The following DPH6 variants were observed in gnomAD, a reference collection of about 807,000 sequenced individuals.
DPH6 encodes diphthine--ammonia ligase.
DPH6 carries 33 observed loss-of-function variants against 38.2 expected under a neutral mutation model. The ratio of observed to expected loss-of-function variants is 0.86; its 90% CI spans 0.65 to 1.15. DPH6 has a LOEUF of 1.15. Among genes scored for constraint, DPH6 ranks in the 50% most tolerant of loss-of-function variants. The pLI is 0.00. For synonymous variants in DPH6, 108 were observed against 103.0 expected (o/e 1.05, Z -0.30); for missense variants, 325 against 320.0 (o/e 1.02, Z -0.12).
chr15:35,416,361 CAT>C (rs1035100010), intron 5 of DPH6, among the ~76,000 whole-genome samples: 1 of 152,098 alleles, frequency 6.6e-6, no homozygotes, highest in South Asian at 2.1e-4. Flanking sequence ...AATTTTAAAA[CAT>C]ATTTTTCAGA....
At chr15:35,490,748 T>C (rs764017688) in intron 3 of DPH6, among the ~76,000 whole-genome samples, 13 of 152,172 alleles carry the variant, frequency 8.5e-5, no homozygotes, top group Non-Finnish European at 1.5e-4. Context: ...GAAAGCCACA[T>C]TGCTTAAACA....
At chr15:35,338,866 G>C (rs1231326724) in intron 3 of DPH6, among the ~76,000 whole-genome samples, 1 of 152,184 alleles carries the variant, frequency 6.6e-6, no homozygotes, top group Non-Finnish European at 1.5e-5. Flanking sequence ...AAAATGATGA[G>C]TTCATGTCCT....
At position 35,514,284 on chromosome 15, in the gene DPH6, C is replaced by T. The variant is rs999008083; in HGVS notation, c.312+23990G>A. ...AGTAACAGTTTGAGAAGATGTATTACGCAAAATAGCATAAAGGAGCCATTT... is the reference window on the plus strand; with the variant it reads ...AGTAACAGTTTGAGAAGATGTATTATGCAAAATAGCATAAAGGAGCCATTT... On this transcript the variant is annotated intron_variant, in intron 3 of 8. Coordinates refer to ENST00000256538, the MANE Select transcript of DPH6 (RefSeq NM_080650.4). Among the ~76,000 whole-genome samples, 9 of 151,994 alleles carry T rather than the reference C, an allele frequency of 5.9e-5. No homozygotes were observed. In the South Asian group the frequency reaches 1.0e-3, roughly 18 times the overall value.
intron 3 of DPH6, among the ~76,000 whole-genome samples, chr15:35,285,872 G>GTTTTTTTTTTTTTTGTTTTTTTTT (rs2051939163): frequency 1.9e-5 from 1 of 52,792 alleles, no homozygotes; most frequent in Non-Finnish European, 3.3e-5. Flanking sequence ...TTATCTTTGA[G>GTTTTTTTTTTTTTTGTTTTTTTTT]TTTTTTTTTT....
the DPH6 span, among the ~76,000 whole-genome samples, chr15:35,200,275 A>G: frequency 6.6e-6 from 1 of 152,052 alleles, no homozygotes; most frequent in Non-Finnish European, 1.5e-5. Flanking sequence ...GCAAAATGGA[A>G]TTCTGGCAAA....
At chr15:35,222,541 G>T (rs979386294) in intron 3 of DPH6, among the ~76,000 whole-genome samples, 3 of 152,136 alleles carry the variant, frequency 2.0e-5, no homozygotes, top group African/African-American at 7.2e-5. Context: ...ACTTGAAGGG[G>T]GGGGTTTCAG....
At chr15:35,392,448 A>G (rs1169691632) in intron 6 of DPH6, among the ~76,000 whole-genome samples, 1 of 151,576 alleles carries the variant, frequency 6.6e-6, no homozygotes, top group African/African-American at 2.4e-5. Context: ...TTCACCTTTC[A>G]CCTCCACCTA....
rs994546148 is a variant in DPH6 at position 35,297,326 on chromosome 15, C to T, written n.200+76195G>A. Among the ~76,000 whole-genome samples, 77 of 149,522 alleles carry T rather than the reference C, an allele frequency of 5.1e-4. 1 individual carries two copies. The highest frequency in any genetic ancestry group is 2.0e-4 in the Admixed American group (3 of 15,132). ...GAAATCTATATCCACTCTTTTCCCTCCCTCAGTTTTTTTTTTTTTTTAAAC... is the reference window on the plus strand; with the variant it reads ...GAAATCTATATCCACTCTTTTCCCTTCCTCAGTTTTTTTTTTTTTTTAAAC... On this transcript the variant is annotated intron_variant and non_coding_transcript_variant, in intron 3 of 3. Transcript: ENST00000560386.
chr15:35,455,511 G>T (rs1180544741), intron 3 of DPH6, among the ~76,000 whole-genome samples: 1 of 152,046 alleles, frequency 6.6e-6, no homozygotes, highest in Non-Finnish European at 1.5e-5. Context: ...AGTTTGCAGA[G>T]GATACAAAGC....
At chr15:35,521,510 G>A in intron 3 of DPH6, 2 of 1,217,940 alleles carry the variant, frequency 1.6e-6, no homozygotes, top group Non-Finnish European at 2.0e-6. Flanking sequence ...AGTGCTGATA[G>A]GACTATGAAG....
the DPH6 span, among the ~76,000 whole-genome samples, chr15:35,161,184 C>T: frequency 6.6e-6 from 1 of 151,856 alleles, no homozygotes; most frequent in Admixed American, 6.6e-5. Context: ...AACAAAAACA[C>T]TATTCTTTCT....
intron 3 of DPH6, among the ~76,000 whole-genome samples, chr15:35,484,805 C>T (rs1217197539): frequency 6.6e-6 from 1 of 152,164 alleles, no homozygotes; most frequent in African/African-American, 2.4e-5. Flanking sequence ...TAGAAGCCAC[C>T]TATCACAATT....
At chr15:35,511,686 C>A (rs1439790794) in intron 3 of DPH6, among the ~76,000 whole-genome samples, 1 of 151,764 alleles carries the variant, frequency 6.6e-6, no homozygotes, top group Admixed American at 6.6e-5. Flanking sequence ...TGACAAGAAA[C>A]TACCAAGAGA....
chr15:35,510,687 A>G (rs1218536148), intron 3 of DPH6, among the ~76,000 whole-genome samples: 1 of 152,158 alleles, frequency 6.6e-6, no homozygotes, highest in African/African-American at 2.4e-5. Flanking sequence ...TTTTTCAACC[A>G]TCATTTGGAG....
At chr15:35,436,758 T>TC (rs2141047859) in intron 5 of DPH6, among the ~76,000 whole-genome samples, 1 of 150,996 alleles carries the variant, frequency 6.6e-6, no homozygotes, top group South Asian at 2.1e-4. Flanking sequence ...TTTAAGTTTT[T>TC]TTTTTTTTCT....
chr15:35,237,611 T>C (rs1382121487), intron 3 of DPH6: 36 of 1,605,646 alleles, frequency 2.2e-5, no homozygotes, highest in Non-Finnish European at 2.8e-5. Context: ...TCTAAATTTA[T>C]GTGGCAACAA....
At chr15:35,349,423 G>T (rs2052490648) in intron 3 of DPH6, among the ~76,000 whole-genome samples, 1 of 151,922 alleles carries the variant, frequency 6.6e-6, no homozygotes, top group African/African-American at 2.4e-5. Context: ...TACGTGCATT[G>T]TTTGTTTTTT....
chr15:35,495,404 C>T (rs779956259), intron 3 of DPH6, among the ~76,000 whole-genome samples: 11 of 152,088 alleles, frequency 7.2e-5, no homozygotes, highest in South Asian at 2.1e-4. Context: ...TGATCTTGGA[C>T]GCTCCAGAAG....
At chr15:35,442,408 C>G (rs146300072) in intron 5 of DPH6, among the ~76,000 whole-genome samples, 34 of 152,170 alleles carry the variant, frequency 2.2e-4, no homozygotes, top group African/African-American at 8.2e-4. Context: ...AACCTGGAAC[C>G]CTCATTCATT....
Sources: allele counts gnomAD v4.1 joint callset (sites outside exome capture counted in the v4.1 genomes callset), GRCh38; gene constraint gnomAD v4.1.1; transcripts MANE v1.5; gene names NCBI Gene and HGNC (gene_info 2026-07-23, HGNC 2026-07-21).